COL24A1: variants seen among roughly 807,000 people sequenced by gnomAD.
COL24A1 encodes collagen alpha-1(XXIV) chain.
Under a neutral mutation model 253.9 loss-of-function variants are expected in COL24A1, and 224 were observed. That is an observed-to-expected ratio of 0.88 (90% CI 0.79 to 0.99). COL24A1 has a LOEUF of 0.99. COL24A1 is among the 50% of genes least tolerant of loss of function. The probability of loss-of-function intolerance (pLI) is 0.00; values close to 1 mark genes in which losing one functional copy is unlikely to be tolerated. For missense variants in COL24A1, 2,131 were observed against 2,068.5 expected, an observed-to-expected ratio of 1.03 and a Z score of -0.59; for synonymous variants, 685 against 673.7, an observed-to-expected ratio of 1.02 and a Z score of -0.26.
intron 43 of COL24A1, among the ~76,000 whole-genome samples, chr1:85,834,002 C>G (rs12745753): frequency 1.3e-5 from 2 of 148,516 alleles, no homozygotes; most frequent in Admixed American, 6.7e-5. Context: ...GCATTAGGAG[C>G]TATACCTAAT....
intron 12 of COL24A1, among the ~76,000 whole-genome samples, chr1:86,038,327 T>A (rs905862757): frequency 6.6e-6 from 1 of 152,062 alleles, no homozygotes; most frequent in Non-Finnish European, 1.5e-5. Context: ...GAGAGAAAAA[T>A]TAGATAATTA....
chr1:85,889,478 C>T lies in COL24A1; in HGVS notation c.2976+82G>A. 4.2e-6 allele frequency: 5 copies of T among 1,184,662 alleles called. No homozygotes were observed. The Admixed American group carries it at 5.4e-5, about 13-fold the overall frequency. 73.4% of individuals were successfully genotyped at this position (1,184,662 alleles called of 1,614,324 possible). A position where few individuals can be genotyped will look rare whatever the true frequency, so the allele number is the denominator to read the frequency against. On this transcript the variant is annotated intron_variant, in intron 32 of 59. Transcript: ENST00000370571. ...ATGCTGCTTTCTAAAACATACCAGT[C>T]ACAGCACAGCAGAGCAATAATGGAA... is the stretch of plus-strand genomic sequence containing the variant.
chr1:86,147,459 G>A (rs1395319631), intron 1 of COL24A1, among the ~76,000 whole-genome samples: 1 of 152,188 alleles, frequency 6.6e-6, no homozygotes, highest in Non-Finnish European at 1.5e-5. Context: ...TCTACAAACA[G>A]ATCAACTGAA....
chr1:86,147,587 G>C (rs1212976054), intron 1 of COL24A1, among the ~76,000 whole-genome samples: 2 of 152,170 alleles, frequency 1.3e-5, no homozygotes, highest in Admixed American at 1.3e-4. Flanking sequence ...CCAAATGTTA[G>C]ACTCACCTGA....
intron 24 of COL24A1, among the ~76,000 whole-genome samples, chr1:85,943,830 C>G (rs1314106661): frequency 2.0e-5 from 3 of 152,176 alleles, no homozygotes; most frequent in Non-Finnish European, 2.9e-5. Flanking sequence ...ACACATAGCA[C>G]CAATTTGCTG....
intron 56 of COL24A1, 108 bp downstream of exon 56, chr1:85,745,333 T>C: frequency 1.6e-6 from 1 of 621,174 alleles, no homozygotes. Flanking sequence ...TCAATCTGTT[T>C]TAAATACAAT....
At chr1:85,814,820 C>T (rs944787158) in intron 47 of COL24A1, among the ~76,000 whole-genome samples, 7 of 152,102 alleles carry the variant, frequency 4.6e-5, no homozygotes, top group Non-Finnish European at 8.8e-5. Context: ...AATGTCCTGA[C>T]GAGTATCTCA....
intron 37 of COL24A1, among the ~76,000 whole-genome samples, chr1:85,864,452 T>G (rs1050600802): frequency 6.6e-6 from 1 of 151,886 alleles, no homozygotes; most frequent in Non-Finnish European, 1.5e-5. Context: ...AATGACTAGT[T>G]AATGGGTGCA....
intron 2 of COL24A1, among the ~76,000 whole-genome samples, chr1:86,145,715 C>G (rs1305203042): frequency 6.6e-6 from 1 of 151,800 alleles, no homozygotes; most frequent in Non-Finnish European, 1.5e-5. Flanking sequence ...TATGCAAATT[C>G]CATTTTGTTT....
chr1:85,892,572 C>T (rs1683238315), intron 31 of COL24A1, among the ~76,000 whole-genome samples: 1 of 151,894 alleles, frequency 6.6e-6, no homozygotes, highest in Non-Finnish European at 1.5e-5. Flanking sequence ...AAATGATAAA[C>T]ATTTTTTCCC....
intron 24 of COL24A1, among the ~76,000 whole-genome samples, chr1:85,922,463 G>A (rs189854890): frequency 9.2e-5 from 14 of 152,276 alleles, no homozygotes; most frequent in East Asian, 1.9e-4. Context: ...GACTAATAGC[G>A]GATCTCTTGG....
chr1:86,054,187 A>C (rs1700512286), intron 10 of COL24A1, among the ~76,000 whole-genome samples: 1 of 152,172 alleles, frequency 6.6e-6, no homozygotes, highest in Admixed American at 6.5e-5. Flanking sequence ...ACCTCAAACT[A>C]TAATCCTAGA....
intron 27 of COL24A1, among the ~76,000 whole-genome samples, chr1:85,907,849 A>C (rs1684989267): frequency 6.6e-6 from 1 of 151,818 alleles, no homozygotes. Context: ...TATTAACCCA[A>C]GGTAGATAAA....
chr1:85,841,372 C>T lies in COL24A1; in HGVS notation c.3571-94G>A. 4.8e-6 allele frequency: 4 copies of T among 826,026 alleles called. No homozygotes were observed. In the South Asian group the frequency reaches 7.2e-5, roughly 15 times the overall value. 51.2% of individuals were successfully genotyped at this position (826,026 alleles called of 1,614,324 possible). A position where few individuals can be genotyped will look rare whatever the true frequency, so the allele number is the denominator to read the frequency against. On this transcript the variant is annotated intron_variant, in intron 41 of 59. Coordinates refer to ENST00000370571, the MANE Select transcript of COL24A1 (RefSeq NM_152890.7). ...CTATTTTTAAGTATATTAGAAAATG[C>T]AGTTTGATGTTATCTTTTTTTAAGT...
At position 86,092,316 on chromosome 1, in the gene COL24A1, G is replaced by T. The variant is rs747570012; in HGVS notation, c.1604C>A (p.Pro535His). ...GLPGLPGPKG[P>H]KGDPGFSPGQ... ...TGGGGAAAATCCTGGATCTCCTTTG[G>T]GGCCCTAAATAAAATAGTTATAAAA... Residue 535 changes from proline (P) to histidine (H), a missense_variant, in exon 6 of 60, where the codon CCC becomes CAC. Coordinates refer to ENST00000370571, the MANE Select transcript of COL24A1 (RefSeq NM_152890.7). 6.2e-7 allele frequency: 1 copy of T among 1,604,280 alleles called. No homozygotes were observed. Among genetic ancestry groups the T allele is most frequent in the South Asian group, 1.1e-5 (1 of 90,148 alleles).
At chr1:86,102,269 C>A (rs1704536997) in intron 5 of COL24A1, among the ~76,000 whole-genome samples, 1 of 151,942 alleles carries the variant, frequency 6.6e-6, no homozygotes, top group African/African-American at 2.4e-5. Flanking sequence ...TTATATGAAT[C>A]TTTTCTCTTC....
chr1:85,767,854 G>T (rs906450102), intron 53 of COL24A1, among the ~76,000 whole-genome samples: 6 of 152,076 alleles, frequency 3.9e-5, no homozygotes, highest in Non-Finnish European at 7.4e-5. Context: ...TAATTTTAGG[G>T]CATATTATTC....
chr1:86,057,174 G>C (rs1053967731), intron 10 of COL24A1, among the ~76,000 whole-genome samples: 1 of 152,010 alleles, frequency 6.6e-6, no homozygotes, highest in African/African-American at 2.4e-5. Flanking sequence ...ATGAGATCTG[G>C]TTGTTTGAAA....
intron 2 of COL24A1, among the ~76,000 whole-genome samples, chr1:86,132,882 G>A (rs936317780): frequency 6.6e-6 from 1 of 151,770 alleles, no homozygotes; most frequent in Admixed American, 6.6e-5. Flanking sequence ...CTTTAAAGTA[G>A]TTTTTTCCAG....
Sources: gnomAD v4.1 joint callset for allele counts (sites outside exome capture counted in the v4.1 genomes callset) on GRCh38, gnomAD v4.1.1 for gene constraint, MANE v1.5 for transcripts, NCBI Gene and HGNC (gene_info 2026-07-23, HGNC 2026-07-21) for gene names.